LGR5: variants seen among roughly 807,000 people sequenced by gnomAD.
LGR5 encodes leucine-rich repeat-containing G protein-coupled receptor 5.
Under a neutral mutation model 76.7 loss-of-function variants are expected in LGR5, and 54 were observed. The observed-to-expected ratio is 0.70, with a 90% CI of 0.57 to 0.88. The LOEUF (loss-of-function observed/expected upper bound fraction) is 0.88, where lower values mean the gene tolerates loss of function less well. Ranked by LOEUF, LGR5 falls within the 40% of genes least tolerant of loss-of-function variation. The pLI is 0.00. For missense variants in LGR5, 1,078 were observed against 1,073.3 expected, an observed-to-expected ratio of 1.00 and a Z score of -0.06; for synonymous variants, 406 against 421.9, an observed-to-expected ratio of 0.96 and a Z score of 0.46.
intron 1 of LGR5, among the ~76,000 whole-genome samples, chr12:71,494,160 A>G (rs1485249476): frequency 1.3e-5 from 2 of 150,508 alleles, no homozygotes; most frequent in African/African-American, 5.0e-5. Context: ...GTTAGCCAGG[A>G]TGGTCTTGAT....
chr12:71,491,147 C>T (rs1010024518), intron 1 of LGR5, among the ~76,000 whole-genome samples: 4 of 151,136 alleles, frequency 2.6e-5, no homozygotes, highest in African/African-American at 9.8e-5. Context: ...ATGAGGCCTC[C>T]CCAGCCATAT....
At chr12:71,553,342 C>A (rs1241304977) in intron 5 of LGR5, 54 bp downstream of exon 5, 20 of 1,477,616 alleles carry the variant, frequency 1.4e-5, no homozygotes, top group South Asian at 2.3e-5. Flanking sequence ...CACTGGAAGA[C>A]CTTGGCCTTA....
rs770141918 is a variant in LGR5 at position 71,583,906 on chromosome 12, G to T, written c.1896G>T (p.Glu632Asp). 6.2e-7 allele frequency: 1 copy of T among 1,614,186 alleles called. No homozygotes were observed. The highest frequency in any genetic ancestry group is 1.1e-5 in the South Asian group (1 of 91,080). ...TTGCACGACATGGTGCCTGGTGGGA[G>T]AATGGGGTTGGTTGCCATGTCATTG... ...GSFARHGAWW[E>D]NGVGCHVIGF... Residue 632 changes from glutamate (E) to aspartate (D), a missense_variant, in exon 18 of 18, where the codon GAG (glutamate) becomes GAT (aspartate). By Grantham distance (45) the Glu-to-Asp change is conservative (BLOSUM62 2). Transcript: ENST00000266674.
intron 11 of LGR5, among the ~76,000 whole-genome samples, chr12:71,569,657 A>C (rs370780366): frequency 6.6e-6 from 1 of 152,254 alleles, no homozygotes; most frequent in Non-Finnish European, 1.5e-5. Context: ...GTCAAGAAAC[A>C]ACAAATGCTG....
intron 1 of LGR5, among the ~76,000 whole-genome samples, chr12:71,445,619 T>C (rs1264540345): frequency 1.3e-5 from 2 of 152,200 alleles, no homozygotes; most frequent in African/African-American, 2.4e-5. Context: ...AGTTATATGG[T>C]GGGAAGCAGG....
intron 1 of LGR5, among the ~76,000 whole-genome samples, chr12:71,468,802 G>A (rs1054522884): frequency 6.9e-6 from 1 of 144,124 alleles, no homozygotes. Flanking sequence ...TTCCTAAAAC[G>A]TGGGGCTCAG....
intron 2 of LGR5, among the ~76,000 whole-genome samples, chr12:71,514,175 C>T (rs1315992913): frequency 6.6e-6 from 1 of 152,032 alleles, no homozygotes; most frequent in African/African-American, 2.4e-5. Flanking sequence ...CCATTATAGG[C>T]TACATTGTAT....
intron 5 of LGR5, among the ~76,000 whole-genome samples, chr12:71,554,644 A>G (rs1043937248): frequency 7.9e-5 from 12 of 152,240 alleles, no homozygotes; most frequent in African/African-American, 2.9e-4. Flanking sequence ...ATGCCCAGGA[A>G]TAGACAAGGG....
At chr12:71,580,468 T>C (rs895634657) in intron 16 of LGR5, 45 bp downstream of exon 16, 3 of 1,544,834 alleles carry the variant, frequency 1.9e-6, no homozygotes, top group Non-Finnish European at 2.7e-6. Context: ...TTGTGTTCAG[T>C]GGAACACATG....
At chr12:71,439,337 T>C (rs937069910), upstream of LGR5, among the ~76,000 whole-genome samples, 1 of 152,322 alleles carries the variant, frequency 6.6e-6, no homozygotes, top group Middle Eastern at 3.4e-3. Flanking sequence ...TTTCTCTGCA[T>C]AGGATTTTAG....
At chr12:71,504,528 T>C in intron 1 of LGR5, 86 bp from the exon 2 acceptor site, 2 of 992,252 alleles carry the variant, frequency 2.0e-6, no homozygotes, top group Non-Finnish European at 3.3e-6. Context: ...TTTTACTGTA[T>C]TGTTTGGAAA....
chr12:71,492,342 A>G (rs1874111703), intron 1 of LGR5, among the ~76,000 whole-genome samples: 1 of 152,204 alleles, frequency 6.6e-6, no homozygotes, highest in Admixed American at 6.5e-5. Flanking sequence ...GTGGTGTCAC[A>G]TAGTAAGAAG....
At chr12:71,444,844 G>C (rs1273465367) in intron 1 of LGR5, among the ~76,000 whole-genome samples, 2 of 152,066 alleles carry the variant, frequency 1.3e-5, no homozygotes, top group African/African-American at 4.8e-5. Context: ...AGAAATTTCA[G>C]ACCAAACAAT....
intron 4 of LGR5, among the ~76,000 whole-genome samples, 182 bp from the exon 5 acceptor site, chr12:71,552,891 T>C (rs1877560417): frequency 6.6e-6 from 1 of 151,886 alleles, no homozygotes; most frequent in African/African-American, 2.4e-5. Context: ...GAAGCAACAG[T>C]CTACACATGA....
rs1565689092 is a variant in LGR5 at position 71,493,331 on chromosome 12, T to A, written c.213-11283T>A. On this transcript the variant is annotated intron_variant, in intron 1 of 17. Coordinates refer to ENST00000266674, the MANE Select transcript of LGR5 (RefSeq NM_003667.4). ...TGTACGTCTCTGGGTCTTAATATTA[T>A]GTGTATAAACTGATATAAATCAGGA... 2.6e-5 allele frequency among the ~76,000 whole-genome samples: 4 copies of A among 151,336 alleles called. No homozygotes were observed. The South Asian group carries it at 8.3e-4, about 31-fold the overall frequency.
chr12:71,564,559 C>T (rs1291911655), intron 8 of LGR5, among the ~76,000 whole-genome samples: 6 of 89,138 alleles, frequency 6.7e-5, no homozygotes, highest in African/African-American at 1.8e-4. Context: ...TCTGTACACA[C>T]GCACCGTGTA....
chr12:71,514,383 A>G (rs1202790816), intron 2 of LGR5, among the ~76,000 whole-genome samples: 1 of 152,082 alleles, frequency 6.6e-6, no homozygotes, highest in Non-Finnish European at 1.5e-5. Flanking sequence ...CCTGGCTAAC[A>G]CAGTGAAACC....
At chr12:71,480,839 G>A (rs555792492) in intron 1 of LGR5, among the ~76,000 whole-genome samples, 3 of 152,242 alleles carry the variant, frequency 2.0e-5, no homozygotes, top group Admixed American at 6.5e-5. Flanking sequence ...TAAAATAAGT[G>A]TTACAGTACA....
At chr12:71,566,737 A>G in intron 10 of LGR5, 37 bp downstream of exon 10, 2 of 1,584,062 alleles carry the variant, frequency 1.3e-6, no homozygotes, top group Middle Eastern at 1.7e-4. Flanking sequence ...TGCCCAGAAC[A>G]TACACTGCCA....
Sources: allele counts gnomAD v4.1 joint callset (sites outside exome capture counted in the v4.1 genomes callset), GRCh38; gene constraint gnomAD v4.1.1; transcripts MANE v1.5; gene names NCBI Gene and HGNC (gene_info 2026-07-23, HGNC 2026-07-21).